The following PTPRD variants were observed in gnomAD, a reference collection of about 807,000 sequenced individuals.
PTPRD encodes the protein protein tyrosine phosphatase receptor type D.
In PTPRD, 34 loss-of-function variants were observed where a neutral mutation model predicts 214.5. That is an observed-to-expected ratio of 0.16 (90% CI 0.12 to 0.21). The LOEUF is 0.21. Ranked by LOEUF, PTPRD falls within the 10% of genes least tolerant of loss-of-function variation. The probability of loss-of-function intolerance (pLI) is 1.00; values close to 1 mark genes in which losing one functional copy is unlikely to be tolerated. For synonymous variants in PTPRD, 1,128 were observed against 845.7 expected, an observed-to-expected ratio of 1.33 and a Z score of -5.79; for missense variants, 2,545 against 2,398.7, an observed-to-expected ratio of 1.06 and a Z score of -1.27.
At chr9:9,182,399 G>C (rs147992446) in intron 10 of PTPRD, among the ~76,000 whole-genome samples, 7 of 151,932 alleles carry the variant, frequency 4.6e-5, no homozygotes, top group Non-Finnish European at 1.0e-4. Flanking sequence ...GCATGCTAAC[G>C]AACTTTTAAA....
chr9:9,818,340 A>G (rs2049461678), intron 5 of PTPRD, among the ~76,000 whole-genome samples: 2 of 152,116 alleles, frequency 1.3e-5, no homozygotes, highest in African/African-American at 4.8e-5. Flanking sequence ...AAGCCTTTTT[A>G]TCAGCTGAGC....
At chr9:9,871,769 G>C (rs1309897287) in intron 5 of PTPRD, among the ~76,000 whole-genome samples, 1 of 152,002 alleles carries the variant, frequency 6.6e-6, no homozygotes, top group African/African-American at 2.4e-5. Context: ...AGAAGCTCAT[G>C]GGCAGAGGGT....
chr9:10,077,728 A>G (rs924376152), intron 3 of PTPRD, among the ~76,000 whole-genome samples: 6 of 152,036 alleles, frequency 3.9e-5, no homozygotes, highest in African/African-American at 9.7e-5. Context: ...CTCCCACTTA[A>G]TAAGTAAGAA....
chr9:8,447,481 T>C lies in PTPRD; in HGVS notation c.3988+2244A>G, dbSNP rs368939765. Among the ~76,000 whole-genome samples, 7 of 152,202 alleles carry C rather than the reference T, an allele frequency of 4.6e-5. No homozygotes were observed. The East Asian group carries it at 5.8e-4, about 13-fold the overall frequency. On this transcript the variant is annotated intron_variant, in intron 34 of 45. Transcript: ENST00000381196. ...TCCCAAATACATTGGGAAAATTAAA[T>C]TGCTAATAGAATTCTTGAGTTTGGC...
chr9:9,527,926 A>G (rs1282742217), intron 8 of PTPRD, among the ~76,000 whole-genome samples: 1 of 152,222 alleles, frequency 6.6e-6, no homozygotes, highest in Non-Finnish European at 1.5e-5. Context: ...TAGTCCAGAT[A>G]TGAAATAACG....
intron 2 of PTPRD, among the ~76,000 whole-genome samples, chr9:10,540,230 G>A (rs369432461): frequency 1.3e-5 from 2 of 152,230 alleles, no homozygotes; most frequent in African/African-American, 4.8e-5. Flanking sequence ...GTTTCACCAT[G>A]CTGGCCAGAC....
At chr9:8,844,581 A>C (rs1451739204) in intron 11 of PTPRD, among the ~76,000 whole-genome samples, 1 of 152,228 alleles carries the variant, frequency 6.6e-6, no homozygotes, top group Non-Finnish European at 1.5e-5. Context: ...AACCATCTGT[A>C]CAATAATCCA....
intron 5 of PTPRD, among the ~76,000 whole-genome samples, chr9:9,929,938 G>C (rs540028747): frequency 6.6e-6 from 1 of 152,174 alleles, no homozygotes; most frequent in East Asian, 1.9e-4. Flanking sequence ...AATATAATGA[G>C]GACACCAGAG....
At chr9:8,657,628 CT>C (rs2096938844) in intron 12 of PTPRD, among the ~76,000 whole-genome samples, 2 of 152,098 alleles carry the variant, frequency 1.3e-5, no homozygotes, top group South Asian at 4.1e-4. Flanking sequence ...TTGCTGTGCT[CT>C]TTAGTTTAAT....
intron 5 of PTPRD, among the ~76,000 whole-genome samples, chr9:9,821,606 T>G (rs376147222): frequency 6.6e-6 from 1 of 152,082 alleles, no homozygotes; most frequent in Admixed American, 6.6e-5. Context: ...CTTCTTGTAA[T>G]GTGTTTTCTT....
At position 10,494,447 on chromosome 9, in the gene PTPRD, A is replaced by C. The variant is rs377041910; in HGVS notation, c.-600+117951T>G. Among the ~76,000 whole-genome samples the C allele has an allele frequency of 1.6e-4, 25 of 151,854 alleles. No individual in the cohort carries two copies. The East Asian group carries it at 4.6e-3, about 28-fold the overall frequency. On this transcript the variant is annotated intron_variant, in intron 2 of 45. Transcript: ENST00000381196. ...AGCATTTTAACAGTATTGGCCTCAT[A>C]TTGTTCTTTGGAATTATGCCTAGAT... is the stretch of plus-strand genomic sequence containing the variant.
At position 8,414,573 on chromosome 9, in the gene PTPRD, G is replaced by A. The variant is rs1034192173; in HGVS notation, c.4087-9913C>T. The stretch of plus-strand genomic sequence containing the variant: ...GAGTTATAGGGAGAATGGAAGGAAT[G>A]TGATCAGATGGAAGGATAAATATTC... On this transcript the variant is annotated intron_variant, in intron 35 of 45. Coordinates refer to ENST00000381196, the MANE Select transcript of PTPRD (RefSeq NM_002839.4). Among the ~76,000 whole-genome samples the A allele has an allele frequency of 1.2e-4, 18 of 152,058 alleles. No homozygotes were observed. In the East Asian group the frequency reaches 3.1e-3, roughly 26 times the overall value.
At chr9:9,001,724 T>A (rs945022978) in intron 11 of PTPRD, among the ~76,000 whole-genome samples, 28 of 152,028 alleles carry the variant, frequency 1.8e-4, no homozygotes, top group Non-Finnish European at 2.5e-4. Context: ...TCTAAATGAG[T>A]GACTTACAAA....
chr9:8,967,801 G>C (rs561459791), intron 11 of PTPRD, among the ~76,000 whole-genome samples: 1 of 151,996 alleles, frequency 6.6e-6, no homozygotes, highest in Non-Finnish European at 1.5e-5. Context: ...AGTGCACAAC[G>C]TGCAGGTGTG....
chr9:10,549,818 T>C (rs188822115), intron 2 of PTPRD, among the ~76,000 whole-genome samples: 112 of 152,130 alleles, frequency 7.4e-4, no homozygotes, highest in African/African-American at 2.4e-3. Flanking sequence ...TTAAAAAGAT[T>C]TTTTTTTAAT....
In PTPRD at chr9:10,170,937, G is replaced by A. The variant is rs199868789; in HGVS notation, c.-544-137147C>T. Reference sequence around the variant, plus strand: ...ACACCCTCATTACTCTTCTCCACCCGGTATAATTTTCACCAAGTCCTTTTC... The same window carrying A: ...ACACCCTCATTACTCTTCTCCACCCAGTATAATTTTCACCAAGTCCTTTTC... On this transcript the variant is annotated intron_variant, in intron 3 of 45. Coordinates refer to ENST00000381196, the MANE Select transcript of PTPRD (RefSeq NM_002839.4). 6.6e-5 allele frequency among the ~76,000 whole-genome samples: 10 copies of A among 152,062 alleles called. No individual in the cohort carries two copies. In the East Asian group the frequency reaches 1.7e-3, roughly 27 times the overall value.
At chr9:8,360,673 T>C (rs1354456539) in intron 39 of PTPRD, among the ~76,000 whole-genome samples, 1 of 152,212 alleles carries the variant, frequency 6.6e-6, no homozygotes, top group African/African-American at 2.4e-5. Context: ...TTTTATTGAA[T>C]GTTGCTAATT....
chr9:8,977,052 G>C (rs180715721), intron 11 of PTPRD, among the ~76,000 whole-genome samples: 1 of 152,182 alleles, frequency 6.6e-6, no homozygotes. Flanking sequence ...CTTCTCCTGA[G>C]ATATCTTCTG....
In PTPRD at chr9:10,295,893, G is replaced by T. The variant is rs575027829; in HGVS notation, c.-545+45070C>A. Among the ~76,000 whole-genome samples the T allele has an allele frequency of 3.0e-3, 461 of 152,106 alleles. 1 individual carries two copies. Among genetic ancestry groups the T allele is most frequent in the Non-Finnish European group, 4.5e-3 (304 of 67,964 alleles). ...TCTGTACCTTTGCTACTTTGAAGAT[G>T]GAAGGGAGAGCAATTAACGGCTTCC... On this transcript the variant is annotated intron_variant, in intron 3 of 45. Coordinates refer to ENST00000381196, the MANE Select transcript of PTPRD (RefSeq NM_002839.4).
Sources: gnomAD v4.1 joint callset for allele counts (sites outside exome capture counted in the v4.1 genomes callset) on GRCh38, gnomAD v4.1.1 for gene constraint, MANE v1.5 for transcripts, NCBI Gene and HGNC (gene_info 2026-07-23, HGNC 2026-07-21) for gene names.